SLC24A3: variants seen among roughly 807,000 people sequenced by gnomAD.
SLC24A3 encodes the protein solute carrier family 24 member 3, also known as sodium/potassium/calcium exchanger 3.
Under a neutral mutation model 75.8 loss-of-function variants are expected in SLC24A3, and 28 were observed. The observed-to-expected ratio is 0.37, with a 90% CI of 0.27 to 0.51. The LOEUF (loss-of-function observed/expected upper bound fraction) is 0.51. Among genes scored for constraint, SLC24A3 ranks in the 20% least tolerant of loss-of-function variants. The pLI is 0.94. For missense variants in SLC24A3, 663 were observed against 847.8 expected (o/e 0.78, Z 2.71); for synonymous variants, 372 against 334.1 (o/e 1.11, Z -1.24).
At chr20:19,316,995 A>T (rs1425321867) in intron 2 of SLC24A3, among the ~76,000 whole-genome samples, 3 of 151,674 alleles carry the variant, frequency 2.0e-5, no homozygotes, top group Admixed American at 2.0e-4. Flanking sequence ...CCCTCCTCCC[A>T]CCCCTCTGAC....
chr20:19,580,633 G>A (rs931448924), intron 4 of SLC24A3, among the ~76,000 whole-genome samples: 10 of 152,290 alleles, frequency 6.6e-5, no homozygotes, highest in African/African-American at 2.2e-4. Flanking sequence ...AGGCTGAACA[G>A]CAAGTTAAAC....
chr20:19,338,776 G>A (rs1028162614), intron 2 of SLC24A3, among the ~76,000 whole-genome samples: 2 of 152,166 alleles, frequency 1.3e-5, no homozygotes, highest in Non-Finnish European at 2.9e-5. Context: ...ATATGGGGCT[G>A]CGAAAATTGC....
intron 3 of SLC24A3, among the ~76,000 whole-genome samples, chr20:19,516,864 G>A (rs1319378249): frequency 6.6e-6 from 1 of 152,198 alleles, no homozygotes; most frequent in Non-Finnish European, 1.5e-5. Context: ...CACAGCCTGG[G>A]CTGTGGAGTC....
chr20:19,698,600 G>T lies in SLC24A3; in HGVS notation c.1639G>T (p.Gly547Trp). 6.3e-7 allele frequency: 1 copy of T among 1,592,722 alleles called. No individual in the cohort carries two copies. Residue 547 changes from glycine to tryptophan, a missense_variant, in exon 15 of 17, where the codon GGG (glycine) becomes TGG (tryptophan). Physicochemically the swap from Gly to Trp is radical, Grantham distance 184 (BLOSUM62 -2). Transcript: ENST00000328041. ...GGACATGGCTGTGTCCAACTCCATT[G>T]GGAGCAACGTGTTTGACATCCTGAT... ...MGDMAVSNSI[G>W]SNVFDILIGL...
chr20:19,417,361 T>TA (rs981326220), intron 2 of SLC24A3, among the ~76,000 whole-genome samples: 2 of 152,118 alleles, frequency 1.3e-5, no homozygotes, highest in Admixed American at 6.5e-5. Flanking sequence ...GATAATAACA[T>TA]AAAAAAAGTC....
Position 19,697,017 on chromosome 20 carries a change from A to G in SLC24A3, c.1606+106A>G, listed in dbSNP as rs1421532519. 1.3e-4 allele frequency: 36 copies of G among 268,060 alleles called. 2 individuals are homozygous for G. The highest frequency in any genetic ancestry group is 1.0e-3 in the South Asian group (34 of 33,420). The allele number at this position is 268,060 out of a possible 1,614,324, so 16.6% of individuals were successfully genotyped here. On this transcript the variant is annotated intron_variant, in intron 14 of 16. Coordinates refer to ENST00000328041, the MANE Select transcript of SLC24A3 (RefSeq NM_020689.4). ...AAGGAAGGCAGGAGGGAGAAGAGAA[A>G]GGGAGGGAGAAGAGAAGGAAAGAGG... is the stretch of plus-strand genomic sequence containing the variant.
At chr20:19,224,918 T>G (rs1981833226) in intron 1 of SLC24A3, among the ~76,000 whole-genome samples, 1 of 152,248 alleles carries the variant, frequency 6.6e-6, no homozygotes, top group Non-Finnish European at 1.5e-5. Flanking sequence ...GCTGGAATCT[T>G]TCTGGGAATT....
At chr20:19,303,821 A>G (rs1193881249) in intron 2 of SLC24A3, among the ~76,000 whole-genome samples, 1 of 152,154 alleles carries the variant, frequency 6.6e-6, no homozygotes, top group African/African-American at 2.4e-5. Flanking sequence ...TTGCCTTCCT[A>G]TCTCCCATTT....
intron 6 of SLC24A3, among the ~76,000 whole-genome samples, chr20:19,638,424 T>C (rs759478737): frequency 3.9e-5 from 6 of 152,228 alleles, no homozygotes; most frequent in Non-Finnish European, 7.3e-5. Flanking sequence ...TTTAATTTCA[T>C]AATATGTGCA....
chr20:19,650,216 G>A (rs935951231), intron 6 of SLC24A3, among the ~76,000 whole-genome samples: 4 of 152,006 alleles, frequency 2.6e-5, no homozygotes, highest in South Asian at 2.1e-4. Context: ...CTGAATATGC[G>A]GCTGAAATTT....
chr20:19,440,216 T>C (rs1212572808), intron 2 of SLC24A3, among the ~76,000 whole-genome samples: 1 of 152,244 alleles, frequency 6.6e-6, no homozygotes, highest in African/African-American at 2.4e-5. Flanking sequence ...CCACAGCCTG[T>C]ACTTCACTTT....
At chr20:19,343,082 AAAG>A (rs1381061209) in intron 2 of SLC24A3, among the ~76,000 whole-genome samples, 7 of 147,434 alleles carry the variant, frequency 4.7e-5, no homozygotes, top group East Asian at 2.0e-4. Context: ...AAAAAAAAAA[AAAG>A]AAAAAAGAAA....
chr20:19,286,894 G>A (rs932982121), intron 2 of SLC24A3, among the ~76,000 whole-genome samples: 29 of 152,192 alleles, frequency 1.9e-4, no homozygotes, highest in African/African-American at 7.0e-4. Context: ...TAAATTTAAA[G>A]ACTTAAGATT....
chr20:19,452,426 T>TGTGTGTGTGTGTGG (rs1600235203), intron 2 of SLC24A3, among the ~76,000 whole-genome samples: 2 of 52,604 alleles, frequency 3.8e-5, no homozygotes, highest in South Asian at 6.9e-4. Flanking sequence ...GTGTGTGTGT[T>TGTGTGTGTGTGTGG]GGGGAAGTAA....
chr20:19,389,260 C>A (rs1450435585), intron 2 of SLC24A3, among the ~76,000 whole-genome samples: 1 of 152,040 alleles, frequency 6.6e-6, no homozygotes, highest in African/African-American at 2.4e-5. Flanking sequence ...GATTTATACA[C>A]CACTAGTACA....
At chr20:19,629,097 A>G (rs899301026) in intron 6 of SLC24A3, among the ~76,000 whole-genome samples, 1 of 152,132 alleles carries the variant, frequency 6.6e-6, no homozygotes, top group African/African-American at 2.4e-5. Context: ...AGAATTAAGA[A>G]TAACCATCAT....
chr20:19,357,808 A>G (rs1348802067), intron 2 of SLC24A3, among the ~76,000 whole-genome samples: 1 of 152,246 alleles, frequency 6.6e-6, no homozygotes, highest in African/African-American at 2.4e-5. Context: ...CCCTTCAGAT[A>G]ATGGGCAAAG....
At chr20:19,222,836 C>CG in intron 1 of SLC24A3, among the ~76,000 whole-genome samples, 2 of 144,548 alleles carry the variant, frequency 1.4e-5, no homozygotes, top group Non-Finnish European at 1.5e-5. Context: ...TTCCTTCCTT[C>CG]TTTCCTTCCC....
intron 1 of SLC24A3, among the ~76,000 whole-genome samples, chr20:19,249,793 C>A (rs1055132077): frequency 2.6e-5 from 4 of 152,086 alleles, no homozygotes. Flanking sequence ...TGATGATTTG[C>A]GGACTGAAGC....
Sources: gnomAD v4.1 joint callset for allele counts (sites outside exome capture counted in the v4.1 genomes callset) on GRCh38, gnomAD v4.1.1 for gene constraint, MANE v1.5 for transcripts, NCBI Gene and HGNC (gene_info 2026-07-23, HGNC 2026-07-21) for gene names.